The following ZNF679 variants were observed in gnomAD, a reference collection of about 807,000 sequenced individuals.
ZNF679 encodes the protein zinc finger protein 679, also known as hypothetical protein MGC42415.
In ZNF679, 10 loss-of-function variants were observed where a neutral mutation model predicts 13.4. The ratio of observed to expected loss-of-function variants is 0.75; its 90% CI spans 0.46 to 1.27. The LOEUF (loss-of-function observed/expected upper bound fraction) is 1.27, where lower values mean the gene tolerates loss of function less well. Ranked by LOEUF, ZNF679 falls within the 50% of genes most tolerant of loss-of-function variation. The probability of loss-of-function intolerance (pLI) is 0.00; values close to 1 mark genes in which losing one functional copy is unlikely to be tolerated. For missense variants in ZNF679, 525 were observed against 477.8 expected, an observed-to-expected ratio of 1.10 and a Z score of -0.92; for synonymous variants, 179 against 162.5, an observed-to-expected ratio of 1.10 and a Z score of -0.77.
In ZNF679 at chr7:64,265,976, T is replaced by C. The variant is rs567051687; in HGVS notation, c.343T>C (p.Tyr115His). ...ACTCCAAAAAGTAATACCAAGAAGA[T>C]ATGGAAAAAGTGGACATGACAATTT... ...DSLQKVIPRR[Y>H]GKSGHDNLQV... The change falls in exon 5 of 5, where the codon TAT becomes CAT. Residue 115 changes from tyrosine (Y) to histidine (H), a missense_variant. Tyr to His is a moderately conservative substitution (Grantham distance 83). Transcript: ENST00000421025. 282 of 1,613,778 alleles carry C rather than the reference T, an allele frequency of 1.7e-4. No individual in the cohort carries two copies. Among genetic ancestry groups the C allele is most frequent in the Non-Finnish European group, 2.3e-4 (270 of 1,179,848 alleles).
At chr7:64,262,004 G>A (rs947288310) in intron 4 of ZNF679, among the ~76,000 whole-genome samples, 1 of 151,852 alleles carries the variant, frequency 6.6e-6, no homozygotes, top group African/African-American at 2.4e-5. Context: ...TTATAGGAAT[G>A]TGCCACCATG....
Position 64,236,745 on chromosome 7 carries a change from G to C in ZNF679, c.-91+8093G>C, listed in dbSNP as rs754470209. ...TGCCGTGAGCCAAGATCCTGTCATT[G>C]CACTCCAGCCTGGGCGACAAGAGTG... On this transcript the variant is annotated intron_variant, in intron 1 of 4. Coordinates refer to ENST00000421025, the MANE Select transcript of ZNF679 (RefSeq NM_153363.3). Among the ~76,000 whole-genome samples the C allele has an allele frequency of 1.4e-4, 21 of 151,116 alleles. No homozygotes were observed. In the Middle Eastern group the frequency reaches 0.014, roughly 99 times the overall value.
At chr7:64,234,385 AT>A (rs1787680537) in intron 1 of ZNF679, among the ~76,000 whole-genome samples, 1 of 152,178 alleles carries the variant, frequency 6.6e-6, no homozygotes, top group South Asian at 2.1e-4. Context: ...GAAGTCAGAG[AT>A]TCAAAGTAGG....
At chr7:64,241,619 A>G (rs1584227709) in intron 1 of ZNF679, among the ~76,000 whole-genome samples, 1 of 152,318 alleles carries the variant, frequency 6.6e-6, no homozygotes, top group East Asian at 1.9e-4. Context: ...GGGTCTAGAG[A>G]TATTTCACAA....
At chr7:64,230,160 G>T (rs910443314) in intron 1 of ZNF679, among the ~76,000 whole-genome samples, 2 of 152,222 alleles carry the variant, frequency 1.3e-5, no homozygotes, top group African/African-American at 4.8e-5. Context: ...GATTTCCCCT[G>T]TGGGCCACAC....
At chr7:64,258,404 A>C (rs1261073604) in intron 2 of ZNF679, among the ~76,000 whole-genome samples, 2 of 152,120 alleles carry the variant, frequency 1.3e-5, no homozygotes, top group East Asian at 3.9e-4. Flanking sequence ...CATGTCTCAG[A>C]TCAAGAGTAG....
intron 1 of ZNF679, among the ~76,000 whole-genome samples, chr7:64,242,951 C>T (rs1239290284): frequency 6.6e-6 from 1 of 152,164 alleles, no homozygotes; most frequent in African/African-American, 2.4e-5. Flanking sequence ...GGCCAATATT[C>T]TAACTGTGTA....
chr7:64,253,160 T>C (rs973300070), intron 2 of ZNF679, among the ~76,000 whole-genome samples: 4 of 152,236 alleles, frequency 2.6e-5, no homozygotes, highest in Non-Finnish European at 4.4e-5. Context: ...AAGAGATAGA[T>C]ACTTTTGCTT....
rs564242090 is a variant in ZNF679 at position 64,249,068 on chromosome 7, C to T, written c.-50C>T. The stretch of plus-strand genomic sequence containing the variant: ...CTTCACTGCTCTGCGTCCTCTGTTC[C>T]TAGAGGCCAAGCCACTGTGGCCTTG... On this transcript the variant is annotated 5_prime_UTR_variant, in exon 2 of 5. Coordinates refer to ENST00000421025, the MANE Select transcript of ZNF679 (RefSeq NM_153363.3). 1.6e-4 allele frequency: 251 copies of T among 1,613,194 alleles called. 2 individuals carry two copies. The Middle Eastern group carries it at 1.8e-3, about 12-fold the overall frequency.
At chr7:64,240,643 T>A (rs1787786008) in intron 1 of ZNF679, among the ~76,000 whole-genome samples, 1 of 152,122 alleles carries the variant, frequency 6.6e-6, no homozygotes, top group African/African-American at 2.4e-5. Context: ...ATAAATGCAA[T>A]CCAGACTTGG....
At chr7:64,263,889 TATA>T (rs1208630083) in intron 4 of ZNF679, among the ~76,000 whole-genome samples, 1 of 152,196 alleles carries the variant, frequency 6.6e-6, no homozygotes, top group African/African-American at 2.4e-5. Flanking sequence ...TCATACACTA[TATA>T]ATGTTTTTCA....
intron 4 of ZNF679, 145 bp downstream of exon 4, chr7:64,261,074 C>A: frequency 2.5e-6 from 2 of 800,288 alleles, no homozygotes; most frequent in Non-Finnish European, 3.8e-6. Flanking sequence ...TTCTTTTGCT[C>A]TCAGATAGGG....
chr7:64,230,495 T>G (rs1245735165), intron 1 of ZNF679, among the ~76,000 whole-genome samples: 1 of 144,602 alleles, frequency 6.9e-6, no homozygotes, highest in Non-Finnish European at 1.5e-5. Context: ...ATTGCGCCAC[T>G]GCAGTCCGCA....
At chr7:64,240,821 G>A (rs192475934) in intron 1 of ZNF679, among the ~76,000 whole-genome samples, 1 of 152,276 alleles carries the variant, frequency 6.6e-6, no homozygotes, top group East Asian at 1.9e-4. Context: ...ACCTCTTGTG[G>A]ATTGAGTTCA....
chr7:64,244,518 C>T (rs185227600), intron 1 of ZNF679, among the ~76,000 whole-genome samples: 1 of 152,062 alleles, frequency 6.6e-6, no homozygotes, highest in East Asian at 1.9e-4. Context: ...AACCCATAAG[C>T]TTTAACTACG....
chr7:64,263,095 T>A (rs1294912399), intron 4 of ZNF679, among the ~76,000 whole-genome samples: 1 of 152,190 alleles, frequency 6.6e-6, no homozygotes, highest in East Asian at 1.9e-4. Flanking sequence ...TTGCTCTTCT[T>A]AAATTTTTTT....
intron 1 of ZNF679, among the ~76,000 whole-genome samples, chr7:64,244,729 G>A (rs551213719): frequency 2.9e-4 from 44 of 152,206 alleles, no homozygotes; most frequent in Admixed American, 1.9e-3. Flanking sequence ...CCCTGAACTC[G>A]GGCTGCCACT....
At chr7:64,265,706 A>C (rs1197948420) in intron 4 of ZNF679, among the ~76,000 whole-genome samples, 190 bp from the exon 5 acceptor site, 1 of 152,116 alleles carries the variant, frequency 6.6e-6, no homozygotes, top group Non-Finnish European at 1.5e-5. Context: ...TTTATTTATA[A>C]ATTTCCAGCA....
chr7:64,235,341 A>G (rs1448692869), intron 1 of ZNF679, among the ~76,000 whole-genome samples: 1 of 152,008 alleles, frequency 6.6e-6, no homozygotes, highest in Non-Finnish European at 1.5e-5. Flanking sequence ...GATACAAAAA[A>G]AAAAAGACAA....
Sources: allele counts gnomAD v4.1 joint callset (sites outside exome capture counted in the v4.1 genomes callset), GRCh38; gene constraint gnomAD v4.1.1; transcripts MANE v1.5; gene names NCBI Gene and HGNC (gene_info 2026-07-23, HGNC 2026-07-21).